The following KCNN3 variants were observed in gnomAD, a reference collection of about 807,000 sequenced individuals.
The protein encoded by KCNN3 is potassium calcium-activated channel subfamily N member 3.
A neutral mutation model predicts 62.9 loss-of-function variants in KCNN3; 16 were observed. The ratio of observed to expected loss-of-function variants is 0.25; its 90% CI spans 0.17 to 0.39. KCNN3 has a LOEUF of 0.39. KCNN3 is among the 10% of genes least tolerant of loss of function. The pLI is 1.00. For missense variants in KCNN3, 599 were observed against 949.4 expected (o/e 0.63, Z 4.85); for synonymous variants, 370 against 389.2 (o/e 0.95, Z 0.58).
Position 154,842,412 on chromosome 1 carries a change from G to T in KCNN3, c.934-20228C>A, listed in dbSNP as rs1651871799. Among the ~76,000 whole-genome samples the T allele has an allele frequency of 1.3e-5, 2 of 152,140 alleles. 1 individual carries two copies. The highest frequency in any genetic ancestry group is 4.1e-4 in the South Asian group (2 of 4,834). On this transcript the variant is annotated intron_variant, in intron 1 of 7. Transcript: ENST00000271915. ...ACAGGCCGAGGAGAGGGGCCCTGGG[G>T]CAGCACCCCACACTTGACCTTCCTG...
intron 3 of KCNN3, among the ~76,000 whole-genome samples, chr1:154,748,901 A>T (rs1700996524): frequency 6.6e-6 from 1 of 152,190 alleles, no homozygotes; most frequent in Non-Finnish European, 1.5e-5. Flanking sequence ...TAGATTAGGA[A>T]ACTTGCACAA....
intron 2 of KCNN3, among the ~76,000 whole-genome samples, chr1:154,820,646 T>C (rs1650853559): frequency 6.6e-6 from 1 of 152,190 alleles, no homozygotes; most frequent in Non-Finnish European, 1.5e-5. Context: ...TCCTGGCTCC[T>C]TTCTGGGGCT....
chr1:154,779,899 A>T (rs1648951564), intron 2 of KCNN3, among the ~76,000 whole-genome samples: 2 of 152,192 alleles, frequency 1.3e-5, no homozygotes, highest in South Asian at 4.1e-4. Flanking sequence ...TGTCACCTGC[A>T]CCTCAGGGAG....
intron 2 of KCNN3, among the ~76,000 whole-genome samples, chr1:154,821,275 G>A (rs560967543): frequency 6.6e-5 from 10 of 152,204 alleles, no homozygotes; most frequent in Non-Finnish European, 1.2e-4. Flanking sequence ...CCAAAGGACC[G>A]GGATGGTTTC....
intron 2 of KCNN3, among the ~76,000 whole-genome samples, chr1:154,803,214 C>G (rs1192811803): frequency 6.6e-6 from 1 of 152,184 alleles, no homozygotes; most frequent in African/African-American, 2.4e-5. Context: ...ACTCTGGAAG[C>G]CTAGAAACAA....
chr1:154,858,638 G>C (rs1050760948), intron 1 of KCNN3, among the ~76,000 whole-genome samples: 1 of 151,890 alleles, frequency 6.6e-6, no homozygotes, highest in Middle Eastern at 3.2e-3. Context: ...AGGGATGGGA[G>C]AAACAAAAAG....
intron 1 of KCNN3, among the ~76,000 whole-genome samples, chr1:154,864,656 C>G (rs1379561247): frequency 1.3e-5 from 2 of 152,236 alleles, no homozygotes; most frequent in Admixed American, 6.5e-5. Context: ...GAAAAGAAGA[C>G]ACTGTGGGAG....
chr1:154,780,206 T>C (rs1345773855), intron 2 of KCNN3, among the ~76,000 whole-genome samples: 11 of 148,224 alleles, frequency 7.4e-5, no homozygotes, highest in Non-Finnish European at 1.6e-4. Context: ...TTTTTTTTTT[T>C]TTTTTTTTTT....
At chr1:154,745,498 C>A (rs1271129985) in intron 3 of KCNN3, among the ~76,000 whole-genome samples, 2 of 152,248 alleles carry the variant, frequency 1.3e-5, no homozygotes, top group Admixed American at 6.5e-5. Context: ...CAGCTGGATG[C>A]AACCTCTGCA....
intron 4 of KCNN3, among the ~76,000 whole-genome samples, chr1:154,730,332 A>G (rs1390101163): frequency 6.6e-6 from 1 of 152,214 alleles, no homozygotes; most frequent in Non-Finnish European, 1.5e-5. Flanking sequence ...AACAATGATT[A>G]AGACTATTTA....
chr1:154,764,860 A>G (rs1377894507), intron 3 of KCNN3, among the ~76,000 whole-genome samples: 1 of 152,140 alleles, frequency 6.6e-6, no homozygotes, highest in Non-Finnish European at 1.5e-5. Flanking sequence ...ACAACATTTC[A>G]TTATTAAGAT....
intron 1 of KCNN3, among the ~76,000 whole-genome samples, chr1:154,832,695 A>G (rs1651423190): frequency 6.6e-6 from 1 of 152,236 alleles, no homozygotes; most frequent in African/African-American, 2.4e-5. Flanking sequence ...AGTAAAACCT[A>G]TCTGGCTCCC....
At chr1:154,744,242 TG>T (rs1700889227) in intron 3 of KCNN3, among the ~76,000 whole-genome samples, 1 of 152,208 alleles carries the variant, frequency 6.6e-6, no homozygotes, top group African/African-American at 2.4e-5. Context: ...AATGAATGAA[TG>T]AATGGCTCCA....
intron 2 of KCNN3, among the ~76,000 whole-genome samples, chr1:154,773,755 T>A (rs1161038184): frequency 2.3e-4 from 35 of 152,312 alleles, no homozygotes; most frequent in Non-Finnish European, 5.9e-5. Context: ...GTGAGAAAGA[T>A]CAACTCATTT....
chr1:154,748,623 C>A (rs1445575848), intron 3 of KCNN3, among the ~76,000 whole-genome samples: 1 of 152,092 alleles, frequency 6.6e-6, no homozygotes, highest in Non-Finnish European at 1.5e-5. Flanking sequence ...TGAATTTAAT[C>A]CTCAAAAAAC....
At chr1:154,759,467 C>T (rs1373113452) in intron 3 of KCNN3, among the ~76,000 whole-genome samples, 2 of 152,242 alleles carry the variant, frequency 1.3e-5, no homozygotes, top group Non-Finnish European at 2.9e-5. Flanking sequence ...GCTGACGTCA[C>T]TTACAGGAAC....
intron 2 of KCNN3, among the ~76,000 whole-genome samples, chr1:154,801,516 C>T (rs1045792340): frequency 2.0e-5 from 3 of 152,212 alleles, no homozygotes; most frequent in Non-Finnish European, 2.9e-5. Context: ...CTCGCTCCCA[C>T]CCCCTGAAAG....
At chr1:154,724,475 G>C (rs34605799) in intron 5 of KCNN3, among the ~76,000 whole-genome samples, 2 of 152,318 alleles carry the variant, frequency 1.3e-5, no homozygotes, top group Non-Finnish European at 2.9e-5. Flanking sequence ...TTTTAATTCT[G>C]TCTCGTCTCA....
intron 2 of KCNN3, among the ~76,000 whole-genome samples, chr1:154,810,707 A>G (rs1472378902): frequency 1.3e-5 from 2 of 152,198 alleles, no homozygotes; most frequent in African/African-American, 4.8e-5. Context: ...GAGCTGCTGC[A>G]AGGTTGGACC....
Sources: gnomAD v4.1 joint callset for allele counts (sites outside exome capture counted in the v4.1 genomes callset) on GRCh38, gnomAD v4.1.1 for gene constraint, MANE v1.5 for transcripts, NCBI Gene and HGNC (gene_info 2026-07-23, HGNC 2026-07-21) for gene names.